EEF1E1: variants seen among roughly 807,000 people sequenced by gnomAD.
EEF1E1 encodes eukaryotic translation elongation factor 1 epsilon-1.
In EEF1E1, 19 loss-of-function variants were observed where a neutral mutation model predicts 19.9. The observed-to-expected ratio is 0.95, with a 90% confidence interval of 0.66 to 1.40. The LOEUF (loss-of-function observed/expected upper bound fraction) is 1.40, where lower values mean the gene tolerates loss of function less well. EEF1E1 is among the 40% of genes most tolerant of loss of function. The pLI is 0.00. For synonymous variants in EEF1E1, 81 were observed against 80.0 expected (o/e 1.01, Z -0.07); for missense variants, 198 against 202.2 (o/e 0.98, Z 0.13).
chr6:8,076,218 T>G (rs142723360), downstream of EEF1E1, among the ~76,000 whole-genome samples: 5 of 152,156 alleles, frequency 3.3e-5, no homozygotes, highest in African/African-American at 9.6e-5. Context: ...GCATCTAGAA[T>G]GCTGAAATGC....
intron 3 of EEF1E1, among the ~76,000 whole-genome samples, chr6:8,083,071 G>A (rs568800979): frequency 6.6e-6 from 1 of 152,254 alleles, no homozygotes; most frequent in East Asian, 1.9e-4. Flanking sequence ...GTCTATAGTG[G>A]TGCTTGGCTC....
At chr6:8,092,684 T>A (rs1758044984) in intron 2 of EEF1E1, among the ~76,000 whole-genome samples, 2 of 152,140 alleles carry the variant, frequency 1.3e-5, no homozygotes, top group African/African-American at 4.8e-5. Context: ...TCTCCAAATA[T>A]CTTCAGAGAA....
downstream of EEF1E1, among the ~76,000 whole-genome samples, chr6:8,076,736 T>G (rs6905338): frequency 0.025 from 3,871 of 152,256 alleles, 148 homozygotes; most frequent in African/African-American, 0.079. Context: ...TTTATCTCCT[T>G]TTTATCTCCA....
chr6:8,093,026 C>T (rs111638985), intron 2 of EEF1E1, among the ~76,000 whole-genome samples: 1,763 of 152,058 alleles, frequency 0.012, 31 homozygotes, highest in African/African-American at 0.04. Flanking sequence ...AGGCACACAA[C>T]ATGACTGGCT....
chr6:8,080,057 C>T (rs1757689141), intron 3 of EEF1E1, 27 bp from the exon 4 acceptor site: 3 of 1,610,098 alleles, frequency 1.9e-6, no homozygotes, highest in East Asian at 2.2e-5. Context: ...AACATACACA[C>T]ACAACACAGA....
chr6:8,076,951 T>G (rs1452077081), downstream of EEF1E1, among the ~76,000 whole-genome samples: 1 of 134,730 alleles, frequency 7.4e-6, no homozygotes, highest in East Asian at 2.2e-4. Flanking sequence ...GTTTTTGTTT[T>G]TTTTTTTTTG....
downstream of EEF1E1, among the ~76,000 whole-genome samples, chr6:8,077,241 C>T (rs912342807): frequency 2.0e-5 from 3 of 152,150 alleles, no homozygotes; most frequent in East Asian, 1.9e-4. Context: ...CTGCCCCTGG[C>T]AAGATTTAGC....
chr6:8,078,751 G>A, downstream of EEF1E1: 1 of 1,284,040 alleles, frequency 7.8e-7, no homozygotes, highest in Non-Finnish European at 1.0e-6. Context: ...CTGGAGAAGA[G>A]AAAGGAAACT....
At chr6:8,102,391 G>A (rs748727221) in intron 1 of EEF1E1, 44 bp downstream of exon 1, 1 of 1,577,874 alleles carries the variant, frequency 6.3e-7, no homozygotes, top group Non-Finnish European at 8.6e-7. Context: ...GGCAGGCCCC[G>A]CTCCCGTCCA....
downstream of EEF1E1, among the ~76,000 whole-genome samples, chr6:8,078,306 A>AGTCACTTC (rs1209670922): frequency 8.7e-5 from 13 of 150,270 alleles, no homozygotes; most frequent in South Asian, 2.1e-4. Flanking sequence ...AGGGAAGCCC[A>AGTCACTTC]AGGAAAAGGA....
intron 1 of EEF1E1, among the ~76,000 whole-genome samples, chr6:8,099,974 T>C (rs1758304603): frequency 6.6e-6 from 1 of 152,104 alleles, no homozygotes; most frequent in Admixed American, 6.5e-5. Flanking sequence ...TTTTAAACTA[T>C]GATTGGTAAT....
chr6:8,097,155 G>T, intron 2 of EEF1E1, 112 bp downstream of exon 2: 1 of 1,030,344 alleles, frequency 9.7e-7, no homozygotes, highest in Non-Finnish European at 1.5e-6. Flanking sequence ...AAACTACTGA[G>T]GCAGAAGGAA....
At chr6:8,091,465 A>G (rs1356365880) in intron 2 of EEF1E1, among the ~76,000 whole-genome samples, 2 of 152,126 alleles carry the variant, frequency 1.3e-5, no homozygotes, top group African/African-American at 2.4e-5. Context: ...ATTTACAAAT[A>G]TTTTCTCCTA....
intron 3 of EEF1E1, among the ~76,000 whole-genome samples, chr6:8,088,582 C>A (rs1213406655): frequency 6.6e-6 from 1 of 152,214 alleles, no homozygotes; most frequent in East Asian, 1.9e-4. Flanking sequence ...CTTGCTCCGA[C>A]TTGCTCCTCC....
chr6:8,098,934 G>A (rs762612270), intron 1 of EEF1E1, among the ~76,000 whole-genome samples: 4 of 152,220 alleles, frequency 2.6e-5, no homozygotes, highest in South Asian at 2.1e-4. Flanking sequence ...TCCCAGTTAC[G>A]TTCTCATCTA....
rs764021974 is a variant in EEF1E1 at position 8,102,445 on chromosome 6, C to T, written c.77G>A (p.Gly26Asp). Residue 26 changes from glycine (G) to aspartate (D), a missense_variant, in exon 1 of 4, where the codon GGC becomes GAC. By Grantham distance (94) the Gly-to-Asp change is moderately conservative. Transcript: ENST00000379715. ...GCCTCTCCTTCTCACCTGTCGCTCG[C>T]CCTGAGCACTGTATTTATTCCCCTT... ...LSKGNKYSAQ[G>D]ERQIPVLQTN... 1 of 1,612,168 alleles carries T rather than the reference C, an allele frequency of 6.2e-7. No individual in the cohort carries two copies. Among genetic ancestry groups the T allele is most frequent in the South Asian group, 1.1e-5 (1 of 91,052 alleles).
At chr6:8,075,474 A>G (rs1358136359), downstream of EEF1E1, among the ~76,000 whole-genome samples, 1 of 152,210 alleles carries the variant, frequency 6.6e-6, no homozygotes, top group Non-Finnish European at 1.5e-5. Flanking sequence ...TGTCCATAGA[A>G]AAGTTACGTT....
At chr6:8,083,253 T>G (rs1034554848) in intron 3 of EEF1E1, among the ~76,000 whole-genome samples, 1 of 152,244 alleles carries the variant, frequency 6.6e-6, no homozygotes, top group Non-Finnish European at 1.5e-5. Context: ...CCTTTCCAAC[T>G]GGCACCACGT....
chr6:8,102,355 G>A, intron 1 of EEF1E1, 80 bp downstream of exon 1: 1 of 1,398,458 alleles, frequency 7.2e-7, no homozygotes, highest in Non-Finnish European at 9.7e-7. Flanking sequence ...CGTATCTGGT[G>A]GCCGGCCCGG....
Sources: gnomAD v4.1 joint callset for allele counts (sites outside exome capture counted in the v4.1 genomes callset) on GRCh38, gnomAD v4.1.1 for gene constraint, MANE v1.5 for transcripts, NCBI Gene and HGNC (gene_info 2026-07-23, HGNC 2026-07-21) for gene names.